The following LRRC4C variants were observed in gnomAD, a reference collection of about 807,000 sequenced individuals.
LRRC4C encodes leucine-rich repeat-containing protein 4C.
In LRRC4C, 5 loss-of-function variants were observed where a neutral mutation model predicts 33.6. That is an observed-to-expected ratio of 0.15 (90% CI 0.08 to 0.31). The LOEUF is 0.31. LRRC4C is among the 10% of genes least tolerant of loss of function. LRRC4C has a pLI of 1.00. For missense variants in LRRC4C, 560 were observed against 796.7 expected (o/e 0.70, Z 3.58); for synonymous variants, 329 against 302.0 (o/e 1.09, Z -0.93).
intron 2 of LRRC4C, among the ~76,000 whole-genome samples, chr11:40,766,779 G>A (rs1017048908): frequency 2.0e-5 from 3 of 147,228 alleles, no homozygotes; most frequent in Non-Finnish European, 4.5e-5. Context: ...ACCTACAAGA[G>A]ATACACAAAA....
rs956434635 is a variant in LRRC4C at position 40,486,554 on chromosome 11, G to C, written c.-270+161588C>G. On this transcript the variant is annotated intron_variant, in intron 3 of 6. Transcript: ENST00000528697. ...TTTTAAGGCAAAAGAGGAAATTTCAGCTTGAACACTAGCTAATATCAGGAA... is the reference window on the plus strand; with the variant it reads ...TTTTAAGGCAAAAGAGGAAATTTCACCTTGAACACTAGCTAATATCAGGAA... 2.6e-5 allele frequency among the ~76,000 whole-genome samples: 4 copies of C among 152,012 alleles called. No individual in the cohort carries two copies. In the East Asian group the frequency reaches 5.8e-4, roughly 22 times the overall value.
intron 1 of LRRC4C, among the ~76,000 whole-genome samples, chr11:41,022,688 GA>G (rs1456656631): frequency 6.6e-6 from 1 of 151,958 alleles, no homozygotes; most frequent in Non-Finnish European, 1.5e-5. Context: ...AGCTTTGGTG[GA>G]CCAAAATGAT....
intron 1 of LRRC4C, among the ~76,000 whole-genome samples, chr11:40,974,341 T>A (rs1411004990): frequency 6.6e-6 from 1 of 152,188 alleles, no homozygotes; most frequent in African/African-American, 2.4e-5. Context: ...ACATTTCTAT[T>A]TCCAGGGTTA....
chr11:40,254,447 G>C (rs1867040790), intron 4 of LRRC4C, among the ~76,000 whole-genome samples: 1 of 152,098 alleles, frequency 6.6e-6, no homozygotes. Flanking sequence ...CTCTGCACAT[G>C]GTCCATCTTT....
intron 1 of LRRC4C, among the ~76,000 whole-genome samples, chr11:41,409,755 G>T (rs1954388781): frequency 6.6e-6 from 1 of 152,080 alleles, no homozygotes; most frequent in Non-Finnish European, 1.5e-5. Flanking sequence ...TTTTCTTATG[G>T]TCTGTATAAT....
intron 3 of LRRC4C, among the ~76,000 whole-genome samples, chr11:40,584,475 G>A (rs1457108098): frequency 6.6e-6 from 1 of 151,898 alleles, no homozygotes; most frequent in East Asian, 1.9e-4. Context: ...TTAGGAGGAG[G>A]ATAAAGCAGG....
At chr11:40,236,606 G>C (rs1295900847) in intron 5 of LRRC4C, among the ~76,000 whole-genome samples, 2 of 152,066 alleles carry the variant, frequency 1.3e-5, no homozygotes, top group Non-Finnish European at 2.9e-5. Context: ...CGCTTCTAGG[G>C]AAAGGCAGAA....
intron 2 of LRRC4C, among the ~76,000 whole-genome samples, chr11:40,663,329 C>G (rs985541744): frequency 2.8e-4 from 43 of 152,180 alleles, no homozygotes; most frequent in African/African-American, 1.0e-3. Flanking sequence ...GATCTGCCAG[C>G]CTTGGCCTCC....
chr11:40,313,001 C>G (rs1945388099), intron 4 of LRRC4C, among the ~76,000 whole-genome samples: 1 of 152,046 alleles, frequency 6.6e-6, no homozygotes, highest in South Asian at 2.1e-4. Flanking sequence ...CACTGAGACC[C>G]AAATGTCTAT....
At chr11:41,070,610 A>G (rs564606433) in intron 1 of LRRC4C, among the ~76,000 whole-genome samples, 1 of 152,344 alleles carries the variant, frequency 6.6e-6, no homozygotes, top group East Asian at 1.9e-4. Context: ...GGTAAAGGAT[A>G]TGAACAAAAA....
intron 5 of LRRC4C, among the ~76,000 whole-genome samples, chr11:40,154,918 C>A (rs975678208): frequency 6.6e-6 from 1 of 152,066 alleles, no homozygotes; most frequent in Non-Finnish European, 1.5e-5. Context: ...TTTAACAGCA[C>A]GTGGATCTTT....
intron 3 of LRRC4C, among the ~76,000 whole-genome samples, chr11:40,573,007 G>A (rs1481698032): frequency 6.6e-6 from 1 of 152,048 alleles, no homozygotes; most frequent in East Asian, 1.9e-4. Flanking sequence ...TCAGCAGTTA[G>A]GAAATATTCA....
intron 1 of LRRC4C, among the ~76,000 whole-genome samples, chr11:40,971,430 TG>T (rs1298570326): frequency 6.6e-6 from 1 of 152,108 alleles, no homozygotes; most frequent in Non-Finnish European, 1.5e-5. Flanking sequence ...GTGTTAGGCC[TG>T]GGGGAGGAGG....
At chr11:41,336,451 A>C (rs1004757846) in intron 1 of LRRC4C, among the ~76,000 whole-genome samples, 7 of 152,138 alleles carry the variant, frequency 4.6e-5, no homozygotes, top group Admixed American at 2.0e-4. Flanking sequence ...GGAAAAAAAA[A>C]AATATCGGGG....
At chr11:40,316,008 A>G (rs1945554511) in intron 4 of LRRC4C, among the ~76,000 whole-genome samples, 1 of 152,130 alleles carries the variant, frequency 6.6e-6, no homozygotes, top group South Asian at 2.1e-4. Context: ...TGTTTGTTCT[A>G]TTAGCAAGAT....
intron 4 of LRRC4C, among the ~76,000 whole-genome samples, chr11:40,315,951 T>C (rs919019167): frequency 4.6e-5 from 7 of 152,176 alleles, no homozygotes; most frequent in Middle Eastern, 3.4e-3. Flanking sequence ...ATCAGATTTA[T>C]GGTGTACAGA....
In LRRC4C at chr11:41,003,735, A is replaced by G. The variant is rs75238478; in HGVS notation, c.-495-70012T>C. On this transcript the variant is annotated intron_variant, in intron 1 of 6. Coordinates refer to ENST00000528697, the MANE Select transcript of LRRC4C (RefSeq NM_001258419.2). The stretch of plus-strand genomic sequence containing the variant: ...TGGTATGCCTTCATAAATACTTTAG[A>G]GTATTATTCACTGTGCACAATTTGC... Among the ~76,000 whole-genome samples the G allele has an allele frequency of 3.3e-5, 5 of 152,002 alleles. No individual in the cohort carries two copies. The East Asian group carries it at 9.7e-4, about 29-fold the overall frequency.
At chr11:40,952,921 C>T (rs1026330671) in intron 1 of LRRC4C, among the ~76,000 whole-genome samples, 1 of 145,878 alleles carries the variant, frequency 6.9e-6, no homozygotes, top group East Asian at 2.0e-4. Context: ...CTCTCTCTCT[C>T]TCTTTCTCTC....
chr11:41,453,662 G>C (rs1419150916), intron 1 of LRRC4C, among the ~76,000 whole-genome samples: 1 of 150,588 alleles, frequency 6.6e-6, no homozygotes, highest in East Asian at 1.9e-4. Context: ...TTGTGTGTAT[G>C]TGTGTGTGTG....
Sources: allele counts gnomAD v4.1 joint callset (sites outside exome capture counted in the v4.1 genomes callset), GRCh38; gene constraint gnomAD v4.1.1; transcripts MANE v1.5; gene names NCBI Gene and HGNC (gene_info 2026-07-23, HGNC 2026-07-21).